The following CSMD2 variants were observed in gnomAD, a reference collection of about 807,000 sequenced individuals.
The protein encoded by CSMD2 is CUB and Sushi multiple domains 2, also known as CUB and sushi domain-containing protein 2.
A neutral mutation model predicts 398.5 loss-of-function variants in CSMD2; 130 were observed. That is an observed-to-expected ratio of 0.33 (90% confidence interval 0.28 to 0.38). The LOEUF is 0.38. Among genes scored for constraint, CSMD2 ranks in the 10% least tolerant of loss-of-function variants. The pLI is 1.00. For missense variants in CSMD2, 3,829 were observed against 4,764.9 expected (o/e 0.80, Z 5.78); for synonymous variants, 1,828 against 1,908.5 (o/e 0.96, Z 1.10).
chr1:33,630,932 G>T (rs895189269), intron 32 of CSMD2, among the ~76,000 whole-genome samples: 4 of 151,958 alleles, frequency 2.6e-5, no homozygotes, highest in African/African-American at 9.7e-5. Flanking sequence ...TGAATACATC[G>T]CTGTAAACAT....
intron 1 of CSMD2, among the ~76,000 whole-genome samples, chr1:34,126,419 T>C (rs1771383): frequency 0.37 from 56,355 of 152,088 alleles, 11,384 homozygotes; most frequent in East Asian, 0.68. Context: ...TCCTTGCCCA[T>C]GAGCACAGGC....
At chr1:33,902,576 G>A (rs886492814) in intron 5 of CSMD2, among the ~76,000 whole-genome samples, 12 of 152,136 alleles carry the variant, frequency 7.9e-5, no homozygotes, top group African/African-American at 1.7e-4. Context: ...ATCAGGATCC[G>A]AGTTGCATGG....
At chr1:33,580,708 C>T (rs369169070) in intron 48 of CSMD2, 45 bp downstream of exon 48, 73 of 1,606,848 alleles carry the variant, frequency 4.5e-5, no homozygotes, top group Non-Finnish European at 5.7e-5. Flanking sequence ...CTTGAGGCTT[C>T]GATGAGGAGA....
rs559060660 is a variant in CSMD2 at position 33,925,670 on chromosome 1, G to A, written c.713-7369C>T. 3.3e-5 allele frequency among the ~76,000 whole-genome samples: 5 copies of A among 152,134 alleles called. No individual in the cohort carries two copies. In the East Asian group the frequency reaches 5.8e-4, roughly 18 times the overall value. ...TTCTTCACAGAGGCCAGAGTAATAC[G>A]GGAAACCATGGGCCTGATTACACCA... On this transcript the variant is annotated intron_variant, in intron 4 of 70. Transcript: ENST00000373381.
chr1:33,830,256 C>A (rs1302884977), intron 6 of CSMD2, among the ~76,000 whole-genome samples: 2 of 152,190 alleles, frequency 1.3e-5, no homozygotes, highest in Non-Finnish European at 2.9e-5. Context: ...CTGGGAGGCA[C>A]CCCCCAGTAG....
intron 3 of CSMD2, among the ~76,000 whole-genome samples, chr1:33,996,015 G>A (rs891286714): frequency 2.0e-5 from 3 of 152,100 alleles, no homozygotes; most frequent in African/African-American, 7.2e-5. Flanking sequence ...TTGCACAATA[G>A]ACACAACAAA....
rs148734699 is a variant in CSMD2 at position 33,690,060 on chromosome 1, C to A, written c.4052+2870G>T. The stretch of plus-strand genomic sequence containing the variant: ...CACTCTGGAGGCAGCTTCCTCACTG[C>A]GCTTACCGGCCCAGCCCGTCCCACT... On this transcript the variant is annotated intron_variant, in intron 25 of 70. Coordinates refer to ENST00000373381, the MANE Select transcript of CSMD2 (RefSeq NM_001281956.2). Among the ~76,000 whole-genome samples the A allele has an allele frequency of 5.1e-3, 782 of 152,262 alleles. 4 individuals are homozygous for A. Among genetic ancestry groups the A allele is most frequent in the African/African-American group, 0.017 (722 of 41,558 alleles).
intron 2 of CSMD2, among the ~76,000 whole-genome samples, chr1:34,033,950 A>G (rs925096671): frequency 2.0e-5 from 3 of 152,168 alleles, no homozygotes; most frequent in Non-Finnish European, 4.4e-5. Flanking sequence ...GAAAAAGCAA[A>G]GAAAAAATTA....
In CSMD2 at chr1:33,583,810, G is replaced by A; in HGVS notation, c.7072C>T (p.Leu2358Phe). Residue 2358 changes from leucine (L) to phenylalanine (F), a missense_variant, in exon 47 of 71, where the codon CTT (leucine) becomes TTT (phenylalanine). By Grantham distance (22) the Leu-to-Phe change is conservative. Around this residue, in one of 5 missense-constraint regions of CSMD2, gnomAD observed 723 missense variants for 758.6 expected, o/e 0.95. Transcript: ENST00000373381. ...ICEVHCPTNE[L>F]LTDSTGVILS... is the part of the protein sequence containing the mutation. ...ATCACGCCTGTGGAGTCTGTCAGAA[G>A]CTCATTTGTTGGACAGTGCACTTGG... is the stretch of plus-strand genomic sequence containing the variant. 6.2e-7 allele frequency: 1 copy of A among 1,614,058 alleles called. No homozygotes were observed. Among genetic ancestry groups the A allele is most frequent in the Non-Finnish European group, 8.5e-7 (1 of 1,180,000 alleles).
At chr1:33,549,924 G>A (rs58751948) in intron 56 of CSMD2, among the ~76,000 whole-genome samples, 1,606 of 152,270 alleles carry the variant, frequency 0.011, 30 homozygotes, top group African/African-American at 0.037. Context: ...AAAAAGTTGT[G>A]CCCCTCCTAG....
chr1:33,703,595 C>T (rs1645681079), intron 22 of CSMD2, among the ~76,000 whole-genome samples: 2 of 152,176 alleles, frequency 1.3e-5, no homozygotes, highest in South Asian at 4.1e-4. Flanking sequence ...AAGCAGAAAG[C>T]TTTCTATACA....
At chr1:33,575,353 A>C (rs1233267299) in intron 49 of CSMD2, among the ~76,000 whole-genome samples, 2 of 152,180 alleles carry the variant, frequency 1.3e-5, no homozygotes, top group African/African-American at 4.8e-5. Context: ...TGTGGGAAGT[A>C]GGAGGTGGGT....
chr1:33,919,781 A>C (rs1020586165), intron 4 of CSMD2, among the ~76,000 whole-genome samples: 1 of 152,206 alleles, frequency 6.6e-6, no homozygotes, highest in African/African-American at 2.4e-5. Context: ...ATAGTTAGGA[A>C]GGGCTTTATG....
chr1:34,092,508 C>T (rs1658698330), intron 1 of CSMD2, among the ~76,000 whole-genome samples: 4 of 152,294 alleles, frequency 2.6e-5, no homozygotes, highest in African/African-American at 9.6e-5. Context: ...AGGTTCATCT[C>T]ACTAGGGAGA....
intron 1 of CSMD2, among the ~76,000 whole-genome samples, chr1:34,156,528 T>G (rs575264817): frequency 6.6e-6 from 1 of 152,366 alleles, no homozygotes; most frequent in East Asian, 1.9e-4. Context: ...AATAAATAGA[T>G]GTACCTACTT....
rs766131375 is a variant in CSMD2 at position 33,569,591 on chromosome 1, G to C, written c.7958-44C>G. ...GCTCAGTAAGCCAGCCCCAAGAGGA[G>C]GGACATGGCTGCTTCTGCTTAGCAA... On this transcript the variant is annotated intron_variant, in intron 51 of 70. Coordinates refer to ENST00000373381, the MANE Select transcript of CSMD2 (RefSeq NM_001281956.2). 3.2e-6 allele frequency: 5 copies of C among 1,586,302 alleles called. No homozygotes were observed. In the Admixed American group the frequency reaches 8.5e-5, roughly 27 times the overall value.
intron 29 of CSMD2, among the ~76,000 whole-genome samples, chr1:33,640,353 G>A (rs1291898963): frequency 6.6e-6 from 1 of 152,094 alleles, no homozygotes; most frequent in East Asian, 1.9e-4. Context: ...CTATTCTTGG[G>A]CTCACATACA....
At chr1:33,784,548 T>C (rs1653273044) in intron 12 of CSMD2, among the ~76,000 whole-genome samples, 1 of 152,238 alleles carries the variant, frequency 6.6e-6, no homozygotes, top group South Asian at 2.1e-4. Context: ...GCGAGCCTGA[T>C]TCTGCCTCCT....
intron 44 of CSMD2, among the ~76,000 whole-genome samples, chr1:33,597,041 T>C (rs1053745368): frequency 2.0e-5 from 3 of 152,244 alleles, no homozygotes; most frequent in Admixed American, 2.0e-4. Context: ...CTATTACTTC[T>C]AGTTCCTAAA....
Sources: allele counts gnomAD v4.1 joint callset (sites outside exome capture counted in the v4.1 genomes callset), GRCh38; gene constraint gnomAD v4.1.1; regional missense constraint gnomAD v4.1.1; transcripts MANE v1.5; gene names NCBI Gene and HGNC (gene_info 2026-07-23, HGNC 2026-07-21).